Variants in DPYSL3 observed in about 807,000 individuals in gnomAD.
The protein encoded by DPYSL3 is dihydropyrimidinase like 3.
A neutral mutation model predicts 66.1 loss-of-function variants in DPYSL3; 16 were observed. The ratio of observed to expected loss-of-function variants is 0.24; its 90% CI spans 0.16 to 0.37. DPYSL3 has a LOEUF of 0.37. Ranked by LOEUF, DPYSL3 falls within the 10% of genes least tolerant of loss-of-function variation. DPYSL3 has a pLI of 1.00. For missense variants in DPYSL3, 738 were observed against 916.2 expected (o/e 0.81, Z 2.51); for synonymous variants, 338 against 345.1 (o/e 0.98, Z 0.23).
intron 1 of DPYSL3, chr5:147,472,491 G>A (rs1281612625): frequency 6.6e-6 from 1 of 152,038 alleles, no homozygotes; most frequent in African/African-American, 2.4e-5. Flanking sequence ...ACCTCTTTGG[G>A]TTGATGATCA....
chr5:147,445,389 A>G (rs1320837266), intron 1 of DPYSL3, among the ~76,000 whole-genome samples: 1 of 152,224 alleles, frequency 6.6e-6, no homozygotes, highest in Admixed American at 6.5e-5. Flanking sequence ...AGAAGTTAAT[A>G]TTCTAGAAAG....
Position 147,509,347 on chromosome 5 carries a change from A to T in DPYSL3, c.381+131T>A. 8.0e-7 allele frequency: 1 copy of T among 1,248,818 alleles called. No individual in the cohort carries two copies. The highest frequency in any genetic ancestry group is 1.1e-6 in the Non-Finnish European group (1 of 933,414). The allele number at this position is 1,248,818 out of a possible 1,614,324, so 77.4% of individuals were successfully genotyped here. A position where few individuals can be genotyped will look rare whatever the true frequency, so the allele number is the denominator to read the frequency against. ...GAAGTCGCGCTACGCTCAGTGGAGG[A>T]TGACCCTTTCCTCCTCCTTGTCCCC... On this transcript the variant is annotated intron_variant, in intron 1 of 13. Transcript: ENST00000343218. This position sits in a 1 kb window ranked among gnomAD's most constrained non-coding sequence, Gnocchi z 5.3.
chr5:147,474,435 A>G (rs1007729473), intron 1 of DPYSL3, among the ~76,000 whole-genome samples: 1 of 152,116 alleles, frequency 6.6e-6, no homozygotes, highest in African/African-American at 2.4e-5. Context: ...TTCCTCACAA[A>G]GGGAAGTACT....
chr5:147,415,695 A>T lies in DPYSL3; in HGVS notation c.820+14T>A. On this transcript the variant is annotated intron_variant, in intron 4 of 13. Coordinates refer to ENST00000343218, the MANE Select transcript of DPYSL3 (RefSeq NM_001197294.2). ...AAGCTAAGAGAGGAGGGAGGACGGC[A>T]TGTCCGGGCTCACCTTTGTCCTTGA... is the stretch of plus-strand genomic sequence containing the variant. The T allele has an allele frequency of 6.2e-7, 1 of 1,611,746 alleles. No individual in the cohort carries two copies. Among genetic ancestry groups the T allele is most frequent in the Non-Finnish European group, 8.5e-7 (1 of 1,178,724 alleles).
intron 1 of DPYSL3, among the ~76,000 whole-genome samples, chr5:147,471,088 C>A (rs1242594363): frequency 6.6e-6 from 1 of 152,100 alleles, no homozygotes; most frequent in Non-Finnish European, 1.5e-5. Context: ...TATAAACATG[C>A]ATATATGCTA....
At chr5:147,453,934 T>C in intron 1 of DPYSL3, 1 of 334,762 alleles carries the variant, frequency 3.0e-6, no homozygotes. Context: ...CTCTTATCCC[T>C]ATTGATTTTC....
At chr5:147,449,885 GACT>G (rs1752693923) in intron 1 of DPYSL3, among the ~76,000 whole-genome samples, 1 of 152,150 alleles carries the variant, frequency 6.6e-6, no homozygotes, top group Non-Finnish European at 1.5e-5. Flanking sequence ...AATTGATGGT[GACT>G]ACTATTTCAA....
At chr5:147,428,291 G>A (rs1752237057) in intron 1 of DPYSL3, among the ~76,000 whole-genome samples, 1 of 152,128 alleles carries the variant, frequency 6.6e-6, no homozygotes, top group African/African-American at 2.4e-5. Context: ...ACCATGCAGA[G>A]CAAAAATATC....
intron 1 of DPYSL3, among the ~76,000 whole-genome samples, chr5:147,454,942 C>T (rs911701507): frequency 6.6e-6 from 1 of 151,880 alleles, no homozygotes; most frequent in African/African-American, 2.4e-5. Context: ...ATTTAAGGAA[C>T]CAAAAAAAGA....
intron 1 of DPYSL3, among the ~76,000 whole-genome samples, chr5:147,499,990 CA>C (rs966567818): frequency 1.1e-4 from 16 of 150,174 alleles, no homozygotes; most frequent in African/African-American, 2.7e-4. Context: ...CACCTATGTG[CA>C]AAAAAAAATC....
chr5:147,479,570 C>A (rs1753207441), intron 1 of DPYSL3, among the ~76,000 whole-genome samples: 1 of 152,176 alleles, frequency 6.6e-6, no homozygotes. Context: ...AATCCCACAT[C>A]AGAGCAACCA....
chr5:147,505,024 T>A (rs537417316), intron 1 of DPYSL3, among the ~76,000 whole-genome samples: 1 of 152,224 alleles, frequency 6.6e-6, no homozygotes, highest in African/African-American at 2.4e-5. Context: ...TTAGAATTGC[T>A]TTTCTATGCA....
Position 147,464,028 on chromosome 5 carries a change from A to T in DPYSL3, c.382-39065T>A, listed in dbSNP as rs534331192. On this transcript the variant is annotated intron_variant, in intron 1 of 13. Transcript: ENST00000343218. ...CACATGAGACCAATGGGCCCACTCA[A>T]TAACAAATGAGATACAAGAAAGGCC... Among the ~76,000 whole-genome samples, 23 of 152,256 alleles carry T rather than the reference A, an allele frequency of 1.5e-4. No individual in the cohort carries two copies. In the East Asian group the frequency reaches 4.3e-3, roughly 28 times the overall value.
rs1758306868 is a variant in DPYSL3, at chr5:147,405,627, G to A, written c.1136C>T (p.Ser379Leu). 6.2e-7 allele frequency: 1 copy of A among 1,611,878 alleles called. No individual in the cohort carries two copies. The highest frequency in any genetic ancestry group is 1.1e-5 in the South Asian group (1 of 90,678). ...CAAATCACCTTTTTTCCTGGCTTGT[G>A]AGATGAGGTCAGCTGCACTCTTGCT... is the stretch of plus-strand genomic sequence containing the variant. ...VMSKSAADLI[S>L]QARKKGNVVF... The change falls in exon 8 of 14, where the codon TCA becomes TTA. Residue 379 changes from serine (S) to leucine (L), a missense_variant. Transcript: ENST00000343218.
At position 147,391,599 on chromosome 5, in the gene DPYSL3, GC is replaced by G. The variant is rs1174859186; in HGVS notation, c.*2435del. On this transcript the variant is annotated 3_prime_UTR_variant, in exon 14 of 14. Coordinates refer to ENST00000343218, the MANE Select transcript of DPYSL3 (RefSeq NM_001197294.2). ...TGAGGTGCCAGTGAATTCGAAGAGG[GC>G]CGGGACTCACCATTGTTTTCTTTTC... The G allele has an allele frequency of 1.3e-5, 2 of 152,240 alleles. No individual in the cohort carries two copies. Among genetic ancestry groups the G allele is most frequent in the Admixed American group, 1.3e-4 (2 of 15,272 alleles). The allele number at this position is 152,240 out of a possible 1,614,324, so 9.4% of individuals were successfully genotyped here. A position where few individuals can be genotyped will look rare whatever the true frequency, so the allele number is the denominator to read the frequency against.
At chr5:147,399,032 C>G in intron 11 of DPYSL3, 50 bp downstream of exon 11, 1 of 1,593,278 alleles carries the variant, frequency 6.3e-7, no homozygotes, top group South Asian at 1.1e-5. Flanking sequence ...TGACCAAGTT[C>G]CTTGCATGCA....
chr5:147,506,066 C>A (rs563760612), intron 1 of DPYSL3, among the ~76,000 whole-genome samples: 3 of 152,204 alleles, frequency 2.0e-5, no homozygotes, highest in South Asian at 2.1e-4. Context: ...AGGAAACGAC[C>A]TTTTGAGCAC....
At chr5:147,419,440 G>C (rs771145067) in intron 2 of DPYSL3, among the ~76,000 whole-genome samples, 20 of 152,214 alleles carry the variant, frequency 1.3e-4, no homozygotes, top group Non-Finnish European at 2.5e-4. Context: ...CAAGGAAAGT[G>C]ACAAATACAA....
intron 1 of DPYSL3, among the ~76,000 whole-genome samples, chr5:147,492,778 AC>A (rs1043647558): frequency 2.9e-4 from 44 of 152,022 alleles, no homozygotes; most frequent in African/African-American, 1.0e-3. Context: ...AGGAACAAAA[AC>A]AAGGACAACA....
Sources: gnomAD v4.1 joint callset for allele counts (sites outside exome capture counted in the v4.1 genomes callset) on GRCh38, gnomAD v4.1.1 for gene constraint, Gnocchi (gnomAD v3.1) non-coding constraint, MANE v1.5 for transcripts, NCBI Gene and HGNC (gene_info 2026-07-23, HGNC 2026-07-21) for gene names.